The following ACTL6B variants were observed in gnomAD, a reference collection of about 807,000 sequenced individuals.
ACTL6B encodes the protein actin like 6B.
ACTL6B carries 48 observed loss-of-function variants against 63.3 expected under a neutral mutation model. That is an observed-to-expected ratio of 0.76 (90% CI 0.60 to 0.96). The LOEUF (loss-of-function observed/expected upper bound fraction) is 0.96, where lower values mean the gene tolerates loss of function less well. Ranked by LOEUF, ACTL6B falls within the 50% of genes least tolerant of loss-of-function variation. The pLI, the probability that ACTL6B is intolerant of heterozygous loss-of-function variation, is 0.00. For synonymous variants in ACTL6B, 230 were observed against 223.8 expected (o/e 1.03, Z -0.25); for missense variants, 350 against 572.2 (o/e 0.61, Z 3.96).
At chr7:100,649,750 G>A (rs1803898131) in intron 5 of ACTL6B, among the ~76,000 whole-genome samples, 1 of 152,158 alleles carries the variant, frequency 6.6e-6, no homozygotes, top group Admixed American at 6.6e-5. Flanking sequence ...TGTTCTACAC[G>A]TCTCCCTCCT....
At position 100,656,317 on chromosome 7, in the gene ACTL6B, G is replaced by A; in HGVS notation, c.25+13C>T. On this transcript the variant is annotated intron_variant, in intron 1 of 13. Transcript: ENST00000160382. Reference sequence around the variant, plus strand: ...GCAGGGCTGCGGGAGCCGGGGGCCCGAGGCTCGCTCACCTCCGCCGTAGAC... The same window carrying A: ...GCAGGGCTGCGGGAGCCGGGGGCCCAAGGCTCGCTCACCTCCGCCGTAGAC... 2 of 1,385,752 alleles carry A rather than the reference G, an allele frequency of 1.4e-6. No homozygotes were observed. Among genetic ancestry groups the A allele is most frequent in the Non-Finnish European group, 9.4e-7 (1 of 1,066,768 alleles). The allele number at this position is 1,385,752 out of a possible 1,614,324, so 85.8% of individuals were successfully genotyped here. A position where few individuals can be genotyped will look rare whatever the true frequency, so the allele number is the denominator to read the frequency against.
chr7:100,646,709 C>T lies in ACTL6B; in HGVS notation c.1017+42G>A. On this transcript the variant is annotated intron_variant, in intron 11 of 13. Coordinates refer to ENST00000160382, the MANE Select transcript of ACTL6B (RefSeq NM_016188.5). This position sits in a 1 kb window ranked among gnomAD's most constrained non-coding sequence, Gnocchi z 6.1. The stretch of plus-strand genomic sequence containing the variant: ...CCCCCAACCCCGTCTCCCCACTTCC[C>T]CTGGGCCCCTTTGCCGAGCCTCAGC... 2 of 1,613,308 alleles carry T rather than the reference C, an allele frequency of 1.2e-6. No individual in the cohort carries two copies. Among genetic ancestry groups the T allele is most frequent in the South Asian group, 1.1e-5 (1 of 91,066 alleles).
chr7:100,652,403 CAG>C (rs1363244615), intron 4 of ACTL6B, among the ~76,000 whole-genome samples: 1 of 134,652 alleles, frequency 7.4e-6, no homozygotes, highest in Non-Finnish European at 1.6e-5. Flanking sequence ...GCCTGGGCAA[CAG>C]AGTGAGACTC....
In ACTL6B at chr7:100,646,676, G is replaced by T. The variant is rs199906912; in HGVS notation, c.1018-30C>A. On this transcript the variant is annotated intron_variant, in intron 11 of 13. Transcript: ENST00000160382. This position sits in a 1 kb window ranked among gnomAD's most constrained non-coding sequence, Gnocchi z 6.1. ...GAGCAGGGAGAAGGAGTGAGCTGCGGGGGCAGCCCCCCAACCCCGTCTCCC... is the reference window on the plus strand; with the variant it reads ...GAGCAGGGAGAAGGAGTGAGCTGCGTGGGCAGCCCCCCAACCCCGTCTCCC... 1 of 1,613,294 alleles carries T rather than the reference G, an allele frequency of 6.2e-7. No homozygotes were observed. The highest frequency in any genetic ancestry group is 1.3e-5 in the African/African-American group (1 of 75,000).
chr7:100,652,871 C>T lies in ACTL6B; in HGVS notation c.369+2148G>A, dbSNP rs146801173. Among the ~76,000 whole-genome samples the T allele has an allele frequency of 7.2e-3, 1,060 of 146,372 alleles. 13 individuals are homozygous for T. The highest frequency in any genetic ancestry group is 0.024 in the African/African-American group (973 of 39,730). On this transcript the variant is annotated intron_variant, in intron 4 of 13. Coordinates refer to ENST00000160382, the MANE Select transcript of ACTL6B (RefSeq NM_016188.5). Reference sequence around the variant, plus strand: ...CAAAAATTAGCTGGGCGTGGTGGCACGCACCTGTAGTCCCAGCTACTCAGG... The same window carrying T: ...CAAAAATTAGCTGGGCGTGGTGGCATGCACCTGTAGTCCCAGCTACTCAGG...
chr7:100,655,886 G>A lies in ACTL6B; in HGVS notation c.26-7C>T. ...ACCAGCGCCCCCACCTCATCTGTGC[G>A]GGGAGACAGGCCTGTAAGGGGACCT... On this transcript the variant is annotated splice_region_variant and splice_polypyrimidine_tract_variant and intron_variant, in intron 1 of 13. Transcript: ENST00000160382. This position sits in a 1 kb window ranked among gnomAD's most constrained non-coding sequence, Gnocchi z 4.4. 2 of 1,563,230 alleles carry A rather than the reference G, an allele frequency of 1.3e-6. No homozygotes were observed. Among genetic ancestry groups the A allele is most frequent in the South Asian group, 1.2e-5 (1 of 84,894 alleles).
intron 13 of ACTL6B, among the ~76,000 whole-genome samples, chr7:100,644,671 T>C (rs1005144418): frequency 1.3e-5 from 2 of 151,994 alleles, no homozygotes; most frequent in African/African-American, 4.8e-5. Flanking sequence ...GGTCTAGAAA[T>C]TTTGGGCTCA....
chr7:100,651,703 C>T (rs938664032), intron 4 of ACTL6B, among the ~76,000 whole-genome samples: 3 of 151,974 alleles, frequency 2.0e-5, no homozygotes, highest in African/African-American at 4.8e-5. Context: ...CTTGCCTCAG[C>T]CTTCCGAGTA....
In ACTL6B at chr7:100,655,563, C is replaced by A; in HGVS notation, c.126G>T (p.Gly42=). 6.2e-7 allele frequency: 1 copy of A among 1,613,356 alleles called. No individual in the cohort carries two copies. Among genetic ancestry groups the A allele is most frequent in the Non-Finnish European group, 8.5e-7 (1 of 1,179,620 alleles). Residue 42 remains glycine (G), a synonymous_variant, in exon 3 of 14, where the codon GGG becomes GGT. Transcript: ENST00000160382. The surrounding 1 kb of genome is among the most constrained non-coding windows in gnomAD (Gnocchi z 4.4). ...CPKADFPTTV[G]LLAAEEGGGL... ...CGCCCCCCTCCTCCGCGGCCAGCAG[C>A]CCCACTGTGGTGGGGAAGTCAGCCT...
Position 100,646,185 on chromosome 7 carries a change from G to T in ACTL6B, c.1200+64C>A. 1 of 1,343,438 alleles carries T rather than the reference G, an allele frequency of 7.4e-7. No individual in the cohort carries two copies. The highest frequency in any genetic ancestry group is 1.0e-6 in the Non-Finnish European group (1 of 956,898). The allele number at this position is 1,343,438 out of a possible 1,614,324, so 83.2% of individuals were successfully genotyped here. A position where few individuals can be genotyped will look rare whatever the true frequency, so the allele number is the denominator to read the frequency against. On this transcript the variant is annotated intron_variant, in intron 13 of 13. Transcript: ENST00000160382. This position sits in a 1 kb window ranked among gnomAD's most constrained non-coding sequence, Gnocchi z 6.1. ...TGAACGAAGAGGCAGTCAAAGTGGC[G>T]GGCACTGTCTGGGTCTCCCCTCTCC...
intron 4 of ACTL6B, among the ~76,000 whole-genome samples, chr7:100,653,428 T>C (rs1439686910): frequency 3.9e-5 from 6 of 152,104 alleles, no homozygotes; most frequent in African/African-American, 7.2e-5. Flanking sequence ...GGCGGGCAGA[T>C]TGCTTGAGCC....
chr7:100,656,287 G>C (rs1481172132), intron 1 of ACTL6B, 43 bp downstream of exon 1: 2 of 1,377,376 alleles, frequency 1.5e-6, no homozygotes, highest in African/African-American at 3.0e-5. Context: ...GCGCGGGTTT[G>C]GAACGCAGGG....
rs912275218 is a variant in ACTL6B, at chr7:100,654,382, G to A, written c.369+637C>T. The stretch of plus-strand genomic sequence containing the variant: ...GATCCTCCTGCCTTGGCTTCCCAAA[G>A]TGTTGGGATTACAGGTGTGAGCCAA... On this transcript the variant is annotated intron_variant, in intron 4 of 13. Coordinates refer to ENST00000160382, the MANE Select transcript of ACTL6B (RefSeq NM_016188.5). Among the ~76,000 whole-genome samples the A allele has an allele frequency of 6.4e-3, 966 of 150,766 alleles. 16 individuals carry two copies. Among genetic ancestry groups the A allele is most frequent in the African/African-American group, 0.022 (903 of 41,192 alleles).
At chr7:100,654,613 TC>T (rs1215289793) in intron 4 of ACTL6B, among the ~76,000 whole-genome samples, 1 of 151,400 alleles carries the variant, frequency 6.6e-6, no homozygotes, top group Admixed American at 6.6e-5. Flanking sequence ...AAACCCCCTG[TC>T]TACTAAAAAT....
rs145792802 is a variant in ACTL6B, at chr7:100,650,056, T to G, written c.449A>C (p.Lys150Thr). 6 of 1,613,970 alleles carry G rather than the reference T, an allele frequency of 3.7e-6. No homozygotes were observed. The African/African-American group carries it at 6.7e-5, about 18-fold the overall frequency. Reference sequence around the variant, plus strand: ...AGGATACGCGGTGAGCACAGCCGTCTTGCATAAGAAGAAGGCAGGAATGTT... The same window carrying G: ...AGGATACGCGGTGAGCACAGCCGTCGTGCATAAGAAGAAGGCAGGAATGTT... ...QYNIPAFFLCKTAVLTAFANG... is the reference protein window; with the variant it reads ...QYNIPAFFLCTTAVLTAFANG... The change falls in exon 5 of 14, where the codon AAG becomes ACG. Residue 150 changes from lysine (K) to threonine (T), a missense_variant. Coordinates refer to ENST00000160382, the MANE Select transcript of ACTL6B (RefSeq NM_016188.5).
intron 4 of ACTL6B, among the ~76,000 whole-genome samples, chr7:100,651,524 T>TG (rs1803939821): frequency 6.6e-6 from 1 of 150,942 alleles, no homozygotes; most frequent in South Asian, 2.1e-4. Context: ...CACTCCAGCC[T>TG]GGGGGACAAG....
Position 100,648,714 on chromosome 7 carries a change from CT to C in ACTL6B, c.562+14del, listed in dbSNP as rs779526604. ...GGTCCTCCTGGAGCACCCCCACCCC[CT>C]GCCGAAGCCCCACCTTGCTGCAGAA... is the stretch of plus-strand genomic sequence containing the variant. On this transcript the variant is annotated intron_variant, in intron 6 of 13. Transcript: ENST00000160382. The surrounding 1 kb of genome is among the most constrained non-coding windows in gnomAD (Gnocchi z 4.4). The C allele has an allele frequency of 3.1e-6, 5 of 1,613,852 alleles. No individual in the cohort carries two copies. Among genetic ancestry groups the C allele is most frequent in the Non-Finnish European group, 4.2e-6 (5 of 1,179,962 alleles).
chr7:100,645,165 G>C (rs1329201394), intron 13 of ACTL6B, among the ~76,000 whole-genome samples: 1 of 152,178 alleles, frequency 6.6e-6, no homozygotes, highest in African/African-American at 2.4e-5. Context: ...CCTGGTTTCT[G>C]TCTCCCTGGG....
Position 100,655,564 on chromosome 7 carries a change from C to G in ACTL6B, c.125G>C (p.Gly42Ala). The change falls in exon 3 of 14, where the codon GGG (glycine) becomes GCG (alanine). Residue 42 changes from glycine to alanine, a missense_variant. Physicochemically the swap from Gly to Ala is moderately conservative, Grantham distance 60 (BLOSUM62 0). Coordinates refer to ENST00000160382, the MANE Select transcript of ACTL6B (RefSeq NM_016188.5). This position sits in a 1 kb window ranked among gnomAD's most constrained non-coding sequence, Gnocchi z 4.4. Reference protein sequence around the residue: ...CPKADFPTTVGLLAAEEGGGL... With the variant: ...CPKADFPTTVALLAAEEGGGL... ...GCCCCCCTCCTCCGCGGCCAGCAGC[C>G]CCACTGTGGTGGGGAAGTCAGCCTG... is the stretch of plus-strand genomic sequence containing the variant. 6.2e-7 allele frequency: 1 copy of G among 1,613,400 alleles called. No homozygotes were observed.
Sources: allele counts gnomAD v4.1 joint callset (sites outside exome capture counted in the v4.1 genomes callset), GRCh38; gene constraint gnomAD v4.1.1; non-coding constraint Gnocchi (gnomAD v3.1); transcripts MANE v1.5; gene names NCBI Gene and HGNC (gene_info 2026-07-23, HGNC 2026-07-21).